The following ESR1 variants were observed in gnomAD, a reference collection of about 807,000 sequenced individuals.
ESR1 encodes estrogen receptor 1.
In ESR1, 12 loss-of-function variants were observed where a neutral mutation model predicts 52.7. That is an observed-to-expected ratio of 0.23 (90% confidence interval 0.15 to 0.37). The LOEUF is 0.37. Among genes scored for constraint, ESR1 ranks in the 10% least tolerant of loss-of-function variants. ESR1 has a pLI of 1.00. For synonymous variants in ESR1, 305 were observed against 316.8 expected, an observed-to-expected ratio of 0.96 and a Z score of 0.39; for missense variants, 584 against 779.7, an observed-to-expected ratio of 0.75 and a Z score of 2.99.
At chr6:152,127,678 C>A (rs11757692) in exon 7 of ESR1, 24,179 of 151,936 alleles carry the variant, frequency 0.16, 1,957 homozygotes, top group Non-Finnish European at 0.18. Context: ...CCTTGGGGCA[C>A]GGGTGAGCAA....
At chr6:152,108,442 G>A (rs2051093571) in intron 6 of ESR1, among the ~76,000 whole-genome samples, 1 of 152,206 alleles carries the variant, frequency 6.6e-6, no homozygotes, top group African/African-American at 2.4e-5. Flanking sequence ...TGGTCAACTT[G>A]CAGAGTGTTG....
chr6:151,820,420 A>C (rs909403233), intron 1 of ESR1, among the ~76,000 whole-genome samples: 3 of 152,190 alleles, frequency 2.0e-5, no homozygotes, highest in Non-Finnish European at 4.4e-5. Flanking sequence ...AACCTTAATG[A>C]TCATCTTGTT....
At chr6:152,114,508 G>C (rs73625120) in intron 6 of ESR1, among the ~76,000 whole-genome samples, 5 of 152,072 alleles carry the variant, frequency 3.3e-5, no homozygotes, top group Non-Finnish European at 7.4e-5. Context: ...TGAAAACCTA[G>C]AGCAAAGTCA....
chr6:151,953,845 A>G (rs2036601951), intron 4 of ESR1, among the ~76,000 whole-genome samples: 1 of 152,186 alleles, frequency 6.6e-6, no homozygotes, highest in African/African-American at 2.4e-5. Context: ...CTCACTGAAT[A>G]TATTTGAAAT....
chr6:151,776,649 T>C (rs947783041), intron 2 of ESR1, among the ~76,000 whole-genome samples: 5 of 151,948 alleles, frequency 3.3e-5, no homozygotes, highest in African/African-American at 1.2e-4. Context: ...ATCAGCCTGG[T>C]CAACATGGTG....
intron 3 of ESR1, among the ~76,000 whole-genome samples, chr6:151,895,363 C>T (rs1358590146): frequency 6.6e-6 from 1 of 152,074 alleles, no homozygotes; most frequent in East Asian, 1.9e-4. Context: ...TTGAATTCCT[C>T]TTTACTAATT....
intron 4 of ESR1, among the ~76,000 whole-genome samples, chr6:151,948,272 A>C (rs2035936303): frequency 6.6e-6 from 1 of 152,196 alleles, no homozygotes; most frequent in Non-Finnish European, 1.5e-5. Flanking sequence ...ATTGAAAGTT[A>C]AGCCCTTTCC....
At chr6:151,829,059 G>GT (rs1781963613) in intron 1 of ESR1, among the ~76,000 whole-genome samples, 1 of 152,228 alleles carries the variant, frequency 6.6e-6, no homozygotes, top group Non-Finnish European at 1.5e-5. Context: ...GTGTGATTAT[G>GT]TTTAAGAATT....
At chr6:151,669,005 A>G (rs1448873234) in intron 1 of ESR1, among the ~76,000 whole-genome samples, 1 of 151,980 alleles carries the variant, frequency 6.6e-6, no homozygotes, top group African/African-American at 2.4e-5. Context: ...TAATTTGGAA[A>G]GGCAGGTTGT....
chr6:151,772,086 A>C (rs940850888), intron 2 of ESR1, among the ~76,000 whole-genome samples: 6 of 152,214 alleles, frequency 3.9e-5, no homozygotes, highest in Admixed American at 3.9e-4. Flanking sequence ...CAAATGCAAC[A>C]CGCAAGGCTT....
chr6:152,111,006 CAGG>C (rs2051125836), intron 6 of ESR1, among the ~76,000 whole-genome samples: 1 of 152,016 alleles, frequency 6.6e-6, no homozygotes, highest in Non-Finnish European at 1.5e-5. Flanking sequence ...ACCTTGGCAC[CAGG>C]AGGAGCTCTA....
In ESR1 at chr6:152,099,467, C is replaced by T; in HGVS notation, c.*501C>T. ...ATAGCACCCTCTTGTATTCCTATGGCAATGCATCCTTTTATGAAAGTGGTA... is the reference window on the plus strand; with the variant it reads ...ATAGCACCCTCTTGTATTCCTATGGTAATGCATCCTTTTATGAAAGTGGTA... On this transcript the variant is annotated 3_prime_UTR_variant, in exon 8 of 8. Coordinates refer to ENST00000206249, the MANE Select transcript of ESR1 (RefSeq NM_000125.4). The T allele has an allele frequency of 3.7e-6, 1 of 271,306 alleles. No individual in the cohort carries two copies. Among genetic ancestry groups the T allele is most frequent in the Non-Finnish European group, 7.2e-6 (1 of 139,622 alleles). The allele number at this position is 271,306 out of a possible 1,614,324, so 16.8% of individuals were successfully genotyped here. A position where few individuals can be genotyped will look rare whatever the true frequency, so the allele number is the denominator to read the frequency against.
At chr6:151,960,396 G>T (rs181078259) in intron 4 of ESR1, among the ~76,000 whole-genome samples, 1 of 152,330 alleles carries the variant, frequency 6.6e-6, no homozygotes, top group Admixed American at 6.5e-5. Context: ...GGCAGGGTGA[G>T]GGTCAAGTTA....
chr6:151,943,095 G>A (rs940589898), intron 3 of ESR1, among the ~76,000 whole-genome samples: 1 of 152,024 alleles, frequency 6.6e-6, no homozygotes, highest in Non-Finnish European at 1.5e-5. Context: ...AAACCTTTGT[G>A]GGGGGCCGGG....
intron 4 of ESR1, among the ~76,000 whole-genome samples, chr6:151,966,888 TCTTTTGTTCTATCC>T (rs1329303205): frequency 6.6e-6 from 1 of 152,218 alleles, no homozygotes; most frequent in Non-Finnish European, 1.5e-5. Context: ...CAGAAACCCT[TCTTTTGTTCTATCC>T]CTCACTTCCA....
chr6:151,952,420 T>G (rs1032758310), intron 4 of ESR1, among the ~76,000 whole-genome samples: 7 of 152,192 alleles, frequency 4.6e-5, no homozygotes, highest in African/African-American at 1.7e-4. Context: ...CATTCTCCCC[T>G]TCACATAATG....
intron 2 of ESR1, among the ~76,000 whole-genome samples, chr6:151,848,807 T>C (rs1170810303): frequency 6.6e-6 from 1 of 152,190 alleles, no homozygotes; most frequent in African/African-American, 2.4e-5. Context: ...AATCAGGTCC[T>C]ATGGTCTTGA....
At chr6:151,685,071 C>T (rs1180602078) in intron 1 of ESR1, among the ~76,000 whole-genome samples, 1 of 138,850 alleles carries the variant, frequency 7.2e-6, no homozygotes, top group Non-Finnish European at 1.5e-5. Flanking sequence ...AGAGTCTCTG[C>T]TGTATTTAAA....
chr6:151,694,019 A>G (rs1779141305), intron 1 of ESR1, among the ~76,000 whole-genome samples: 1 of 152,170 alleles, frequency 6.6e-6, no homozygotes, highest in Non-Finnish European at 1.5e-5. Context: ...AATAACAACT[A>G]TAGTAGCACC....
Sources: gnomAD v4.1 joint callset for allele counts (sites outside exome capture counted in the v4.1 genomes callset) on GRCh38, gnomAD v4.1.1 for gene constraint, MANE v1.5 for transcripts, NCBI Gene and HGNC (gene_info 2026-07-23, HGNC 2026-07-21) for gene names.